VILL: variants seen among roughly 807,000 people sequenced by gnomAD.
VILL encodes the protein villin like, also known as villin-like protein.
In VILL, 102 loss-of-function variants were observed where a neutral mutation model predicts 106.3. That is an observed-to-expected ratio of 0.96 (90% confidence interval 0.82 to 1.13). The LOEUF (loss-of-function observed/expected upper bound fraction) is 1.13. Ranked by LOEUF, VILL falls within the 50% of genes most tolerant of loss-of-function variation. VILL has a pLI of 0.00. For missense variants in VILL, 1,076 were observed against 1,116.6 expected (o/e 0.96, Z 0.52); for synonymous variants, 431 against 440.3 (o/e 0.98, Z 0.27).
At chr3:37,993,308 G>T in intron 1 of VILL, 1 of 272,640 alleles carries the variant, frequency 3.7e-6, no homozygotes, top group Non-Finnish European at 7.1e-6. Flanking sequence ...TCTGTTTCAA[G>T]AATTTGTCAG....
In VILL at chr3:37,998,986, G is replaced by C; in HGVS notation, c.1017G>C (p.Ala339=). The change falls in exon 10 of 20, where the codon GCG becomes GCC. Residue 339 remains alanine, a synonymous_variant. Transcript: ENST00000383759. This position sits in a 1 kb window ranked among gnomAD's most constrained non-coding sequence, Gnocchi z 4.1. ...EVVNDGAESA[A]FKQLFRTWSE... The stretch of plus-strand genomic sequence containing the variant: ...TGAACGACGGCGCCGAGTCGGCCGC[G>C]TTCAAGCAGCTCTTCCGGACTTGGT... 6.2e-7 allele frequency: 1 copy of C among 1,604,148 alleles called. No individual in the cohort carries two copies. The highest frequency in any genetic ancestry group is 1.1e-5 in the South Asian group (1 of 90,876).
chr3:37,993,919 C>A lies in VILL; in HGVS notation c.82C>A (p.Pro28Thr). Reference protein sequence around the residue: ...ISENRKMVPVPEGAYGNFFEE... With the variant: ...ISENRKMVPVTEGAYGNFFEE... The stretch of plus-strand genomic sequence containing the variant: ...CCAGAACCGGAAGATGGTGCCGGTA[C>A]CCGAGGGGGCTTACGGGAACTTTTT... The change falls in exon 3 of 20, where the codon CCC (proline) becomes ACC (threonine). Residue 28 changes from proline (P) to threonine (T), a missense_variant. Physicochemically the swap from Pro to Thr is conservative, Grantham distance 38 (BLOSUM62 -1). Coordinates refer to ENST00000383759, the MANE Select transcript of VILL (RefSeq NM_015873.4). The A allele has an allele frequency of 2.5e-6, 4 of 1,614,214 alleles. No individual in the cohort carries two copies. The highest frequency in any genetic ancestry group is 3.4e-6 in the Non-Finnish European group (4 of 1,180,040).
intron 5 of VILL, 152 bp downstream of exon 5, chr3:37,995,999 C>A: frequency 1.6e-6 from 1 of 616,636 alleles, no homozygotes; most frequent in Non-Finnish European, 2.9e-6. Context: ...AGAGAGGACA[C>A]CAGGCTTCTA....
rs1699822141 is a variant in VILL, at chr3:38,001,799, C to G, written c.1418C>G (p.Thr473Ser). 9 of 1,614,098 alleles carry G rather than the reference C, an allele frequency of 5.6e-6. No individual in the cohort carries two copies. The East Asian group carries it at 2.0e-4, about 36-fold the overall frequency. ...YGGVLVQEHV[T>S]MGSEPPHFLA... The stretch of plus-strand genomic sequence containing the variant: ...GGCGTCCTAGTACAGGAGCATGTGA[C>G]CATGGGCAGCGAGCCCCCCCACTTC... The change falls in exon 13 of 20, where the codon ACC (threonine) becomes AGC (serine). Residue 473 changes from threonine (T) to serine (S), a missense_variant. Coordinates refer to ENST00000383759, the MANE Select transcript of VILL (RefSeq NM_015873.4).
intron 1 of VILL, chr3:37,993,361 A>G: frequency 3.7e-5 from 13 of 354,838 alleles, no homozygotes; most frequent in South Asian, 1.4e-4. Context: ...TGGAGGTTGC[A>G]GTGAAGTGTG....
intron 16 of VILL, 139 bp from the exon 17 acceptor site, chr3:38,005,653 G>A (rs1025505258): frequency 3.2e-5 from 28 of 873,618 alleles, no homozygotes; most frequent in Middle Eastern, 3.6e-4. Context: ...GGGTACAGCC[G>A]CTTGCTGGGT....
At position 37,998,138 on chromosome 3, in the gene VILL, C is replaced by A. The variant is rs1367283343; in HGVS notation, c.813C>A (p.Pro271=). 1 of 1,613,756 alleles carries A rather than the reference C, an allele frequency of 6.2e-7. No homozygotes were observed. Among genetic ancestry groups the A allele is most frequent in the African/African-American group, 1.3e-5 (1 of 74,892 alleles). Residue 271 remains proline, a synonymous_variant, in exon 8 of 20, where the codon CCC becomes CCA. Transcript: ENST00000383759. This position sits in a 1 kb window ranked among gnomAD's most constrained non-coding sequence, Gnocchi z 4.1. ...TGGTGGTCCTGGAGTTGGCGACCCCCCCACTGACCCAGGACCTGCTGCAGG... is the reference window on the plus strand; with the variant it reads ...TGGTGGTCCTGGAGTTGGCGACCCCACCACTGACCCAGGACCTGCTGCAGG... ...KDLVVLELAT[P]PLTQDLLQEE...
Position 38,007,142 on chromosome 3 carries a change from CT to C in VILL, c.*91del. On this transcript the variant is annotated 3_prime_UTR_variant, in exon 20 of 20. Coordinates refer to ENST00000383759, the MANE Select transcript of VILL (RefSeq NM_015873.4). Reference sequence around the variant, plus strand: ...GCCCTGCTTCCACTCCCCTCAGAGGCTTTTGGTCATCCTCTGCGTGTCAGTA... The same window carrying C: ...GCCCTGCTTCCACTCCCCTCAGAGGCTTTGGTCATCCTCTGCGTGTCAGTA... The C allele has an allele frequency of 8.9e-7, 1 of 1,129,858 alleles. No individual in the cohort carries two copies. Among genetic ancestry groups the C allele is most frequent in the Non-Finnish European group, 1.3e-6 (1 of 762,222 alleles). The allele number at this position is 1,129,858 out of a possible 1,614,324, so 70.0% of individuals were successfully genotyped here.
intron 3 of VILL, 81 bp from the exon 4 acceptor site, chr3:37,994,180 T>C (rs570296039): frequency 9.3e-6 from 14 of 1,511,394 alleles, no homozygotes; most frequent in Middle Eastern, 1.7e-4. Flanking sequence ...CGTCTCCCCA[T>C]GGCCCTTGGT....
chr3:37,994,363 C>G lies in VILL; in HGVS notation c.238C>G (p.Gln80Glu). Residue 80 changes from glutamine to glutamate, a missense_variant, in exon 4 of 20, where the codon CAG becomes GAG. Coordinates refer to ENST00000383759, the MANE Select transcript of VILL (RefSeq NM_015873.4). ...AGCGCAGGGCGCTGCGGAGGCCTTC[C>G]AGCAGCGCCTACAGGACGAGCTGGG... is the stretch of plus-strand genomic sequence containing the variant. ...AEAQGAAEAF[Q>E]QRLQDELGGQ... The G allele has an allele frequency of 6.2e-7, 1 of 1,611,974 alleles. No homozygotes were observed. The highest frequency in any genetic ancestry group is 8.5e-7 in the Non-Finnish European group (1 of 1,179,694).
chr3:38,001,419 A>T (rs752240615), intron 11 of VILL, 37 bp from the exon 12 acceptor site: 1 of 1,608,200 alleles, frequency 6.2e-7, no homozygotes, highest in South Asian at 1.1e-5. Context: ...GTTCAGGAAG[A>T]GCAGCCACCT....
rs759298462 is a variant in VILL at position 37,997,701 on chromosome 3, G to T, written c.764+16G>T. The T allele has an allele frequency of 6.5e-7, 1 of 1,533,524 alleles. No individual in the cohort carries two copies. The highest frequency in any genetic ancestry group is 2.2e-5 in the East Asian group (1 of 44,518). 95.0% of individuals were successfully genotyped at this position (1,533,524 alleles called of 1,614,324 possible). On this transcript the variant is annotated intron_variant, in intron 7 of 19. Coordinates refer to ENST00000383759, the MANE Select transcript of VILL (RefSeq NM_015873.4). This position sits in a 1 kb window ranked among gnomAD's most constrained non-coding sequence, Gnocchi z 4.7. ...GCCTGTACCAGTGAGTACCCCTGGGGTGGGCAGGGGTGGGTGGGACAGTCC... is the reference window on the plus strand; with the variant it reads ...GCCTGTACCAGTGAGTACCCCTGGGTTGGGCAGGGGTGGGTGGGACAGTCC...
Position 37,999,329 on chromosome 3 carries a change from C to T in VILL, c.1082-10C>T. The T allele has an allele frequency of 6.6e-7, 1 of 1,508,388 alleles. No individual in the cohort carries two copies. The highest frequency in any genetic ancestry group is 8.8e-7 in the Non-Finnish European group (1 of 1,130,214). 93.4% of individuals were successfully genotyped at this position (1,508,388 alleles called of 1,614,324 possible). On this transcript the variant is annotated splice_polypyrimidine_tract_variant and intron_variant, in intron 10 of 19. Transcript: ENST00000383759. ...GAGGGCGCCACTGACGCCTACTGTC[C>T]CCCCTTCAGATAAATCGATTCATGT...
At chr3:38,004,510 G>A in intron 16 of VILL, 111 bp downstream of exon 16, 2 of 1,417,640 alleles carry the variant, frequency 1.4e-6, no homozygotes, top group South Asian at 2.6e-5. Flanking sequence ...GGCTGTGGGT[G>A]AGTCTGACCC....
chr3:38,006,748 T>C (rs765391218), intron 19 of VILL, 48 bp downstream of exon 19: 2 of 1,562,686 alleles, frequency 1.3e-6, no homozygotes, highest in East Asian at 2.3e-5. Context: ...GACACTGAGC[T>C]GGAGGAGCCC....
intron 1 of VILL, among the ~76,000 whole-genome samples, chr3:37,992,162 G>A (rs1699619812): frequency 6.6e-6 from 1 of 152,090 alleles, no homozygotes; most frequent in African/African-American, 2.4e-5. Context: ...TCACCATGTT[G>A]TACTCTTCCA....
At position 38,002,848 on chromosome 3, in the gene VILL, T is replaced by C. The variant is rs559568737; in HGVS notation, c.1659+273T>C. Reference sequence around the variant, plus strand: ...CAGGGCATGTCCCTTCCCAGGTCTCTTGGGAAAAGGGGAGGCCTATGCCAG... The same window carrying C: ...CAGGGCATGTCCCTTCCCAGGTCTCCTGGGAAAAGGGGAGGCCTATGCCAG... On this transcript the variant is annotated intron_variant, in intron 14 of 19. Transcript: ENST00000383759. 9.3e-6 allele frequency: 5 copies of C among 538,582 alleles called. No homozygotes were observed. In the South Asian group the frequency reaches 1.1e-4, roughly 12 times the overall value. 33.4% of individuals were successfully genotyped at this position (538,582 alleles called of 1,614,324 possible). A position where few individuals can be genotyped will look rare whatever the true frequency, so the allele number is the denominator to read the frequency against.
chr3:37,993,979 C>G lies in VILL; in HGVS notation c.135+7C>G, dbSNP rs768784981. On this transcript the variant is annotated splice_region_variant and intron_variant, in intron 3 of 19. Transcript: ENST00000383759. Reference sequence around the variant, plus strand: ...CTGCTATGTCATCCTCCACGTGAGTCGCTTGGGGAAGTCTGCCTGAGAGGG... The same window carrying G: ...CTGCTATGTCATCCTCCACGTGAGTGGCTTGGGGAAGTCTGCCTGAGAGGG... The G allele has an allele frequency of 2.5e-5, 40 of 1,614,016 alleles. No homozygotes were observed. The highest frequency in any genetic ancestry group is 3.1e-5 in the Non-Finnish European group (36 of 1,180,006).
At position 37,998,123 on chromosome 3, in the gene VILL, G is replaced by A. The variant is rs759401702; in HGVS notation, c.798G>A (p.Leu266=). The A allele has an allele frequency of 1.9e-6, 3 of 1,613,356 alleles. No individual in the cohort carries two copies. The highest frequency in any genetic ancestry group is 2.7e-5 in the African/African-American group (2 of 74,876). The change falls in exon 8 of 20, where the codon CTG becomes CTA. Residue 266 remains leucine, a synonymous_variant. Transcript: ENST00000383759. The surrounding 1 kb of genome is among the most constrained non-coding windows in gnomAD (Gnocchi z 4.1). ...VYEKGKDLVV[L]ELATPPLTQD... ...AGAAGGGCAAAGACCTGGTGGTCCT[G>A]GAGTTGGCGACCCCCCCACTGACCC...
Sources: gnomAD v4.1 joint callset for allele counts (sites outside exome capture counted in the v4.1 genomes callset) on GRCh38, gnomAD v4.1.1 for gene constraint, Gnocchi (gnomAD v3.1) non-coding constraint, MANE v1.5 for transcripts, NCBI Gene and HGNC (gene_info 2026-07-23, HGNC 2026-07-21) for gene names.